The following PPP3CA variants were observed in gnomAD, a reference collection of about 807,000 sequenced individuals.
PPP3CA encodes the protein CAM-PRP catalytic subunit.
Under a neutral mutation model 66.5 loss-of-function variants are expected in PPP3CA, and 14 were observed. The observed-to-expected ratio is 0.21, with a 90% CI of 0.14 to 0.33. The LOEUF (loss-of-function observed/expected upper bound fraction) is 0.33, where lower values mean the gene tolerates loss of function less well. Ranked by LOEUF, PPP3CA falls within the 10% of genes least tolerant of loss-of-function variation. The pLI, the probability that PPP3CA is intolerant of heterozygous loss-of-function variation, is 1.00. For missense variants in PPP3CA, 317 were observed against 639.5 expected (o/e 0.50, Z 5.44); for synonymous variants, 232 against 226.2 (o/e 1.03, Z -0.23).
chr4:101,256,771 T>C (rs1288645737), intron 1 of PPP3CA, among the ~76,000 whole-genome samples: 1 of 152,002 alleles, frequency 6.6e-6, no homozygotes, highest in African/African-American at 2.4e-5. Context: ...GTTGTATTCC[T>C]AGGTAGCAGA....
At chr4:101,238,638 T>C (rs1239353463) in intron 1 of PPP3CA, among the ~76,000 whole-genome samples, 1 of 152,056 alleles carries the variant, frequency 6.6e-6, no homozygotes, top group Non-Finnish European at 1.5e-5. Flanking sequence ...TAAAAGTGCA[T>C]ATCTTAAAGA....
At chr4:101,313,875 G>A (rs2110313688) in intron 1 of PPP3CA, among the ~76,000 whole-genome samples, 1 of 152,166 alleles carries the variant, frequency 6.6e-6, no homozygotes, top group East Asian at 1.9e-4. Context: ...GTGAATATGA[G>A]GAATAATTAA....
At chr4:101,310,855 T>A (rs1276020199) in intron 1 of PPP3CA, among the ~76,000 whole-genome samples, 1 of 152,182 alleles carries the variant, frequency 6.6e-6, no homozygotes, top group South Asian at 2.1e-4. Flanking sequence ...TACTTGGCAA[T>A]TCACCTAAAT....
chr4:101,102,348 C>CAG lies in PPP3CA; in HGVS notation c.385-2628_385-2627dup, dbSNP rs1045154093. Among the ~76,000 whole-genome samples, 19 of 150,148 alleles carry CAG rather than the reference C, an allele frequency of 1.3e-4. 1 individual carries two copies. Among genetic ancestry groups the CAG allele is most frequent in the African/African-American group, 3.2e-4 (13 of 41,072 alleles). On this transcript the variant is annotated intron_variant, in intron 3 of 13. Coordinates refer to ENST00000394854, the MANE Select transcript of PPP3CA (RefSeq NM_000944.5). ...GAAATAGAAGGCAGAGAGAGAGAGA[C>CAG]AGAGAGAGAGAGAGAATATAACTCA...
chr4:101,141,118 C>T lies in PPP3CA; in HGVS notation c.260-32040G>A, dbSNP rs113441465. On this transcript the variant is annotated intron_variant, in intron 2 of 13. Coordinates refer to ENST00000394854, the MANE Select transcript of PPP3CA (RefSeq NM_000944.5). ...TGCAGTGGGCCACACATGGTGGCTC[C>T]CAGTACCTTGGGAGGCCGAGGTGGG... Among the ~76,000 whole-genome samples, 743 of 152,116 alleles carry T rather than the reference C, an allele frequency of 4.9e-3. 4 individuals carry two copies. Among genetic ancestry groups the T allele is most frequent in the African/African-American group, 0.017 (701 of 41,492 alleles).
intron 1 of PPP3CA, among the ~76,000 whole-genome samples, chr4:101,198,668 G>A (rs750603073): frequency 5.9e-5 from 9 of 152,112 alleles, no homozygotes; most frequent in Admixed American, 1.3e-4. Flanking sequence ...AAGCATTTAC[G>A]AAGGTGAGAG....
intron 1 of PPP3CA, among the ~76,000 whole-genome samples, chr4:101,218,982 A>C (rs1445134862): frequency 6.6e-6 from 1 of 152,062 alleles, no homozygotes; most frequent in Non-Finnish European, 1.5e-5. Flanking sequence ...AACACCTGCT[A>C]AAGATTTGAG....
At chr4:101,244,585 C>T (rs905568271) in intron 1 of PPP3CA, among the ~76,000 whole-genome samples, 4 of 152,166 alleles carry the variant, frequency 2.6e-5, no homozygotes, top group Non-Finnish European at 2.9e-5. Flanking sequence ...GCTATACGCC[C>T]TCCCCCGTGG....
At chr4:101,250,351 C>A (rs1454587149) in intron 1 of PPP3CA, 1 of 456,210 alleles carries the variant, frequency 2.2e-6, no homozygotes, top group African/African-American at 2.0e-5. Flanking sequence ...TCTTTCATAT[C>A]CTCATACCCT....
intron 1 of PPP3CA, among the ~76,000 whole-genome samples, chr4:101,234,036 G>A (rs1484705720): frequency 2.0e-5 from 3 of 151,732 alleles, no homozygotes; most frequent in African/African-American, 7.3e-5. Context: ...TAAAGATAAT[G>A]GGCTGCAGCA....
At chr4:101,077,329 C>T (rs1729238220) in intron 8 of PPP3CA, among the ~76,000 whole-genome samples, 1 of 152,160 alleles carries the variant, frequency 6.6e-6, no homozygotes, top group Non-Finnish European at 1.5e-5. Context: ...AGAATCAAAT[C>T]ATACTGTAAC....
intron 1 of PPP3CA, among the ~76,000 whole-genome samples, chr4:101,337,509 G>C (rs888483067): frequency 1.3e-5 from 2 of 152,196 alleles, no homozygotes; most frequent in African/African-American, 4.8e-5. Context: ...CTGACCAGAG[G>C]CGAGGACAAC....
At chr4:101,114,263 G>C in intron 2 of PPP3CA, among the ~76,000 whole-genome samples, 1 of 152,004 alleles carries the variant, frequency 6.6e-6, no homozygotes, top group East Asian at 1.9e-4. Context: ...GAAATTTAGA[G>C]AGTTATAGCA....
intron 10 of PPP3CA, among the ~76,000 whole-genome samples, chr4:101,049,864 G>A (rs752559515): frequency 5.3e-5 from 8 of 152,010 alleles, no homozygotes; most frequent in South Asian, 2.1e-4. Context: ...AAAAGCAGAC[G>A]GAAAGAAGTA....
intron 2 of PPP3CA, among the ~76,000 whole-genome samples, chr4:101,116,766 G>T (rs1721850514): frequency 6.6e-6 from 1 of 151,724 alleles, no homozygotes; most frequent in Admixed American, 6.6e-5. Context: ...TACTAAAGAG[G>T]TATATTTCAA....
intron 1 of PPP3CA, among the ~76,000 whole-genome samples, chr4:101,247,966 G>A (rs953868474): frequency 2.0e-5 from 3 of 152,100 alleles, no homozygotes; most frequent in Middle Eastern, 3.2e-3. Context: ...ATGAGAAAGA[G>A]AGAGAGTTGA....
At chr4:101,128,852 G>GT (rs558436555) in intron 2 of PPP3CA, among the ~76,000 whole-genome samples, 1 of 151,982 alleles carries the variant, frequency 6.6e-6, no homozygotes, top group Non-Finnish European at 1.5e-5. Flanking sequence ...AGCTGCAGGA[G>GT]TTTTTTTTCA....
intron 1 of PPP3CA, among the ~76,000 whole-genome samples, chr4:101,314,990 C>T (rs1343623925): frequency 6.6e-6 from 1 of 152,076 alleles, no homozygotes; most frequent in African/African-American, 2.4e-5. Flanking sequence ...TACAACAGTC[C>T]TACTTACAGA....
chr4:101,078,432 T>C (rs373075269), intron 8 of PPP3CA, among the ~76,000 whole-genome samples: 1 of 152,210 alleles, frequency 6.6e-6, no homozygotes, highest in Non-Finnish European at 1.5e-5. Flanking sequence ...CATTCACTAT[T>C]CTTTAACATC....
Sources: gnomAD v4.1 joint callset for allele counts (sites outside exome capture counted in the v4.1 genomes callset) on GRCh38, gnomAD v4.1.1 for gene constraint, MANE v1.5 for transcripts, NCBI Gene and HGNC (gene_info 2026-07-23, HGNC 2026-07-21) for gene names.